NDRG4: variants seen among roughly 807,000 people sequenced by gnomAD.
NDRG4 encodes protein NDRG4.
NDRG4 carries 38 observed loss-of-function variants against 55.8 expected under a neutral mutation model. The ratio of observed to expected loss-of-function variants is 0.68; its 90% CI spans 0.53 to 0.89. NDRG4 has a LOEUF of 0.89. NDRG4 is among the 40% of genes least tolerant of loss of function. NDRG4 has a pLI of 0.00. For missense variants in NDRG4, 455 were observed against 468.6 expected (o/e 0.97, Z 0.27); for synonymous variants, 190 against 182.7 (o/e 1.04, Z -0.32).
intron 2 of NDRG4, among the ~76,000 whole-genome samples, chr16:58,490,232 C>T (rs183357000): frequency 2.6e-5 from 4 of 152,356 alleles, no homozygotes; most frequent in Admixed American, 6.5e-5. Flanking sequence ...TGCATCCCAT[C>T]GCAAGTGCTG....
upstream of NDRG4, among the ~76,000 whole-genome samples, chr16:58,495,195 G>A (rs934873876): frequency 4.6e-5 from 7 of 152,184 alleles, no homozygotes; most frequent in African/African-American, 1.7e-4. Flanking sequence ...GCCTCTAGGG[G>A]GAGTGAGAAT....
At chr16:58,488,308 C>T (rs370983691) in intron 2 of NDRG4, among the ~76,000 whole-genome samples, 3 of 152,210 alleles carry the variant, frequency 2.0e-5, no homozygotes, top group Non-Finnish European at 4.4e-5. Context: ...CAGTGCCACC[C>T]GGGGCAGTGG....
chr16:58,505,184 C>T (rs1313496348), intron 5 of NDRG4, among the ~76,000 whole-genome samples: 6 of 151,884 alleles, frequency 4.0e-5, no homozygotes, highest in Non-Finnish European at 7.4e-5. Flanking sequence ...CCAGTCTCTA[C>T]TAAAAATACA....
chr16:58,495,006 AAGGT>A lies in NDRG4; in HGVS notation c.117+3_117+6del. 6.2e-7 allele frequency: 1 copy of A among 1,612,978 alleles called. No homozygotes were observed. The highest frequency in any genetic ancestry group is 1.1e-5 in the South Asian group (1 of 90,856). On this transcript the variant is annotated splice_donor_variant and coding_sequence_variant, in exon 3 of 16. Transcript: ENST00000258187. LOFTEE classifies it high-confidence loss of function. ...CCTCTTGGCTGCAGACACAGACTGG[AAGGT>A]AGGTCAAGGCTCAGACCCCCAAGAT...
chr16:58,481,367 C>T (rs1333113565), intron 1 of NDRG4, among the ~76,000 whole-genome samples: 1 of 152,144 alleles, frequency 6.6e-6, no homozygotes, highest in Non-Finnish European at 1.5e-5. Context: ...GGGGAGGATG[C>T]GCCTACTGAG....
At chr16:58,490,666 T>C (rs952046998) in intron 2 of NDRG4, among the ~76,000 whole-genome samples, 6 of 152,124 alleles carry the variant, frequency 3.9e-5, no homozygotes, top group Non-Finnish European at 7.4e-5. Context: ...CATCTGCTTT[T>C]TCCAAAGGCA....
chr16:58,495,140 G>A (rs1053410799), intron 3 of NDRG4: 6 of 859,544 alleles, frequency 7.0e-6, no homozygotes, highest in African/African-American at 3.3e-5. Flanking sequence ...GCTGGGGTGG[G>A]AGATGAACTG....
intron 1 of NDRG4, among the ~76,000 whole-genome samples, chr16:58,480,333 C>T (rs1049778223): frequency 3.9e-5 from 6 of 152,206 alleles, no homozygotes; most frequent in African/African-American, 1.4e-4. Context: ...GTTGGCCAGG[C>T]TGGTCTCAAA....
At chr16:58,510,218 G>T (rs1048657941) in intron 13 of NDRG4, among the ~76,000 whole-genome samples, 1 of 152,248 alleles carries the variant, frequency 6.6e-6, no homozygotes, top group African/African-American at 2.4e-5. Context: ...CAGGAGCACA[G>T]AGTCTGGAAT....
rs2038834400 is a variant in NDRG4 at position 58,511,809 on chromosome 16, C to T, written c.*233C>T. ...TGGTAACTTAGCCAACTTGACCCCT[C>T]TCATCCCACTCCCGGCGGCCCAGGC... is the stretch of plus-strand genomic sequence containing the variant. On this transcript the variant is annotated 3_prime_UTR_variant, in exon 15 of 15. Transcript: ENST00000570248. 1.7e-6 allele frequency: 1 copy of T among 600,536 alleles called. No homozygotes were observed. The highest frequency in any genetic ancestry group is 3.0e-6 in the Non-Finnish European group (1 of 329,588). 37.2% of individuals were successfully genotyped at this position (600,536 alleles called of 1,614,324 possible). A position where few individuals can be genotyped will look rare whatever the true frequency, so the allele number is the denominator to read the frequency against.
intron 1 of NDRG4, among the ~76,000 whole-genome samples, chr16:58,481,401 G>A (rs1271849039): frequency 6.6e-6 from 1 of 152,196 alleles, no homozygotes; most frequent in Non-Finnish European, 1.5e-5. Flanking sequence ...TTAGCCAGGA[G>A]TGCCAGAATC....
chr16:58,507,074 C>A, intron 8 of NDRG4, 59 bp downstream of exon 8: 2 of 1,349,302 alleles, frequency 1.5e-6, no homozygotes, highest in Non-Finnish European at 1.0e-6. Flanking sequence ...CCCTTGCACA[C>A]TGCCCCCTGA....
At chr16:58,475,669 C>G (rs1385259735) in intron 1 of NDRG4, 1 of 455,968 alleles carries the variant, frequency 2.2e-6, no homozygotes, top group Non-Finnish European at 4.4e-6. Context: ...TACCTTGACT[C>G]TTTATTTCTA....
At chr16:58,471,575 G>A (rs1428256437) in intron 1 of NDRG4, among the ~76,000 whole-genome samples, 1 of 151,762 alleles carries the variant, frequency 6.6e-6, no homozygotes, top group Admixed American at 6.6e-5. Context: ...CATAAACCTG[G>A]TCTCACAGAG....
At chr16:58,477,994 G>A (rs982175118) in intron 1 of NDRG4, among the ~76,000 whole-genome samples, 3 of 152,150 alleles carry the variant, frequency 2.0e-5, no homozygotes, top group Non-Finnish European at 4.4e-5. Context: ...TCCTTCTGTC[G>A]TATTCTTGCC....
chr16:58,501,254 C>G (rs370607929), intron 1 of NDRG4: 30 of 403,230 alleles, frequency 7.4e-5, no homozygotes, highest in Middle Eastern at 6.2e-4. Flanking sequence ...ATTATTGATG[C>G]GGCTGACAGG....
At chr16:58,500,317 A>C in intron 1 of NDRG4, 48 bp downstream of exon 1, 4 of 1,532,428 alleles carry the variant, frequency 2.6e-6, no homozygotes, top group Non-Finnish European at 3.5e-6. Context: ...AGGATGGTGC[A>C]TCCTTATGAC....
chr16:58,506,846 C>G (rs1468776010), intron 7 of NDRG4, 66 bp from the exon 8 acceptor site: 2 of 1,450,938 alleles, frequency 1.4e-6, no homozygotes, highest in African/African-American at 2.8e-5. Context: ...CATCTGCCAG[C>G]CCCCTCTAAG....
chr16:58,511,027 G>GC (rs1597356982), intron 14 of NDRG4: 2 of 476,314 alleles, frequency 4.2e-6, no homozygotes, highest in East Asian at 6.6e-5. Context: ...TTTGCTGCCC[G>GC]CAAGTCTTGC....
Sources: gnomAD v4.1 joint callset for allele counts (sites outside exome capture counted in the v4.1 genomes callset) on GRCh38, gnomAD v4.1.1 for gene constraint, MANE v1.5 for transcripts, NCBI Gene and HGNC (gene_info 2026-07-23, HGNC 2026-07-21) for gene names.